Variants in SLIT2 observed in about 807,000 individuals in gnomAD.
SLIT2 encodes the protein slit guidance ligand 2, also known as slit homolog 2 protein.
SLIT2 carries 41 observed loss-of-function variants against 185.7 expected under a neutral mutation model. That is an observed-to-expected ratio of 0.22 (90% CI 0.17 to 0.29). The LOEUF is 0.29. Among genes scored for constraint, SLIT2 ranks in the 10% least tolerant of loss-of-function variants. The pLI, the probability that SLIT2 is intolerant of heterozygous loss-of-function variation, is 1.00. For missense variants in SLIT2, 1,571 were observed against 1,909.0 expected, an observed-to-expected ratio of 0.82 and a Z score of 3.30; for synonymous variants, 693 against 680.2, an observed-to-expected ratio of 1.02 and a Z score of -0.29.
intron 9 of SLIT2, among the ~76,000 whole-genome samples, chr4:20,492,508 A>G (rs372288296): frequency 6.6e-6 from 1 of 152,194 alleles, no homozygotes; most frequent in South Asian, 2.1e-4. Context: ...ATGCATTTCT[A>G]TGTCCTCACC....
At chr4:20,567,140 C>A in intron 26 of SLIT2, 122 bp from the exon 27 acceptor site, 1 of 880,520 alleles carries the variant, frequency 1.1e-6, no homozygotes, top group Non-Finnish European at 1.8e-6. Flanking sequence ...GGATGAGAGA[C>A]ACATATAGAT....
chr4:20,323,363 A>G (rs997147263), intron 4 of SLIT2, among the ~76,000 whole-genome samples: 2 of 152,194 alleles, frequency 1.3e-5, no homozygotes, highest in Non-Finnish European at 2.9e-5. Flanking sequence ...AAAGGATTGG[A>G]AACAATGATC....
At chr4:20,542,455 C>T (rs1275602125) in intron 20 of SLIT2, 39 bp from the exon 21 acceptor site, 1 of 1,608,702 alleles carries the variant, frequency 6.2e-7, no homozygotes, top group Admixed American at 1.7e-5. Context: ...CCTTCAAGAC[C>T]ACAAATCTTG....
chr4:20,386,549 G>A (rs370332259), intron 4 of SLIT2, among the ~76,000 whole-genome samples: 1 of 152,198 alleles, frequency 6.6e-6, no homozygotes, highest in East Asian at 1.9e-4. Context: ...TGATGATTCT[G>A]CAATAATACC....
intron 4 of SLIT2, among the ~76,000 whole-genome samples, chr4:20,351,490 G>A (rs1293140209): frequency 6.6e-6 from 1 of 152,088 alleles, no homozygotes; most frequent in East Asian, 1.9e-4. Flanking sequence ...CTGGGCAGTG[G>A]GCAAGAAGAA....
intron 26 of SLIT2, among the ~76,000 whole-genome samples, chr4:20,564,311 G>A (rs1177405003): frequency 6.6e-6 from 1 of 151,490 alleles, no homozygotes; most frequent in Non-Finnish European, 1.5e-5. Flanking sequence ...CAGATGCAAA[G>A]AATATTATTT....
At chr4:20,553,710 T>G (rs1474363789) in intron 25 of SLIT2, 95 bp from the exon 26 acceptor site, 2 of 1,169,094 alleles carry the variant, frequency 1.7e-6, no homozygotes, top group African/African-American at 1.6e-5. Context: ...TCTTTTGCCC[T>G]TAGGAAATAA....
chr4:20,530,894 A>T (rs1186170557), intron 16 of SLIT2, among the ~76,000 whole-genome samples: 1 of 151,950 alleles, frequency 6.6e-6, no homozygotes, highest in Non-Finnish European at 1.5e-5. Flanking sequence ...ACTGCTCAAT[A>T]TCATTAGTTA....
chr4:20,574,987 T>G (rs997729185), intron 29 of SLIT2, among the ~76,000 whole-genome samples: 4 of 152,166 alleles, frequency 2.6e-5, no homozygotes, highest in Non-Finnish European at 4.4e-5. Flanking sequence ...CTATTCTCTG[T>G]GGATTAATGC....
intron 4 of SLIT2, among the ~76,000 whole-genome samples, chr4:20,354,162 T>G (rs918336248): frequency 6.6e-6 from 1 of 152,158 alleles, no homozygotes; most frequent in Non-Finnish European, 1.5e-5. Context: ...GTCATTTTTG[T>G]ATATTGCATT....
intron 33 of SLIT2, among the ~76,000 whole-genome samples, chr4:20,601,778 A>G (rs1728429876): frequency 6.6e-6 from 1 of 152,220 alleles, no homozygotes; most frequent in Admixed American, 6.5e-5. Context: ...AGTTGCTAAT[A>G]AATATTTTGT....
intron 26 of SLIT2, among the ~76,000 whole-genome samples, chr4:20,567,059 A>G (rs567752657): frequency 2.0e-5 from 3 of 152,142 alleles, no homozygotes; most frequent in Admixed American, 2.0e-4. Context: ...GGCTCACAGT[A>G]CATCCAATTG....
intron 4 of SLIT2, among the ~76,000 whole-genome samples, chr4:20,432,312 G>A (rs989479191): frequency 3.3e-5 from 5 of 152,114 alleles, no homozygotes; most frequent in African/African-American, 1.2e-4. Flanking sequence ...TGACTAATAG[G>A]ATTAGGGGCG....
In SLIT2 at chr4:20,434,150, C is replaced by T. The variant is rs565538376; in HGVS notation, c.396-33602C>T. On this transcript the variant is annotated intron_variant, in intron 4 of 36. Transcript: ENST00000504154. ...CGACCCTAAAGGGTATGACACAGCA[C>T]AGGTTGGGATGCATGCAGGGAGTGG... 3.9e-5 allele frequency among the ~76,000 whole-genome samples: 6 copies of T among 152,168 alleles called. No individual in the cohort carries two copies. The East Asian group carries it at 7.7e-4, about 20-fold the overall frequency.
Position 20,512,502 on chromosome 4 carries a change from C to T in SLIT2, c.1058+1365C>T, listed in dbSNP as rs142289027. Among the ~76,000 whole-genome samples, 116 of 152,168 alleles carry T rather than the reference C, an allele frequency of 7.6e-4. 1 individual carries two copies. The highest frequency in any genetic ancestry group is 2.7e-3 in the African/African-American group (111 of 41,514). On this transcript the variant is annotated intron_variant, in intron 11 of 36. Coordinates refer to ENST00000504154, the MANE Select transcript of SLIT2 (RefSeq NM_004787.4). ...TGGAGGGTTTTGACTAGAAGAAGCA[C>T]GAGATTAAAGGAACAATTGTTGGCA...
At chr4:20,280,566 C>G (rs575911374) in intron 4 of SLIT2, among the ~76,000 whole-genome samples, 1 of 151,910 alleles carries the variant, frequency 6.6e-6, no homozygotes, top group South Asian at 2.1e-4. Context: ...CTCCAAGCCT[C>G]TAGGGAATGT....
chr4:20,357,791 G>A (rs575319562), intron 4 of SLIT2, among the ~76,000 whole-genome samples: 2 of 152,046 alleles, frequency 1.3e-5, no homozygotes, highest in East Asian at 1.9e-4. Flanking sequence ...TTCAAATTCC[G>A]ATTTTCAGAA....
intron 4 of SLIT2, among the ~76,000 whole-genome samples, chr4:20,434,347 G>A (rs891395341): frequency 4.6e-5 from 7 of 152,104 alleles, no homozygotes; most frequent in African/African-American, 7.2e-5. Flanking sequence ...TTAGCTGGGC[G>A]TGGTGGCGCA....
At chr4:20,589,523 C>A in intron 29 of SLIT2, 121 bp from the exon 30 acceptor site, 1 of 741,766 alleles carries the variant, frequency 1.3e-6, no homozygotes, top group Non-Finnish European at 2.3e-6. Context: ...GGGTTTTTTG[C>A]TTTGTTTTGT....
Sources: allele counts gnomAD v4.1 joint callset (sites outside exome capture counted in the v4.1 genomes callset), GRCh38; gene constraint gnomAD v4.1.1; transcripts MANE v1.5; gene names NCBI Gene and HGNC (gene_info 2026-07-23, HGNC 2026-07-21).